Variants in KAZN observed in about 807,000 individuals in gnomAD.
KAZN encodes kazrin.
In KAZN, 40 loss-of-function variants were observed where a neutral mutation model predicts 87.4. That is an observed-to-expected ratio of 0.46 (90% confidence interval 0.36 to 0.60). The LOEUF (loss-of-function observed/expected upper bound fraction) is 0.60. Ranked by LOEUF, KAZN falls within the 20% of genes least tolerant of loss-of-function variation. The pLI is 0.00. For missense variants in KAZN, 898 were observed against 1,073.9 expected, an observed-to-expected ratio of 0.84 and a Z score of 2.29; for synonymous variants, 466 against 458.3, an observed-to-expected ratio of 1.02 and a Z score of -0.22.
At chr1:14,618,889 C>G (rs1314826716) in intron 1 of KAZN, among the ~76,000 whole-genome samples, 1 of 152,204 alleles carries the variant, frequency 6.6e-6, no homozygotes, top group African/African-American at 2.4e-5. Context: ...CCAAAGGAGC[C>G]TTCGCTTGAG....
intron 2 of KAZN, among the ~76,000 whole-genome samples, chr1:14,449,668 G>C (rs1416313349): frequency 6.6e-6 from 1 of 152,188 alleles, no homozygotes; most frequent in East Asian, 1.9e-4. Context: ...ATTCACTATG[G>C]AGATTGTTTC....
intron 1 of KAZN, among the ~76,000 whole-genome samples, chr1:14,941,463 A>C (rs1050737101): frequency 2.6e-5 from 4 of 151,952 alleles, no homozygotes; most frequent in Non-Finnish European, 1.5e-5. Flanking sequence ...CGACCATTGG[A>C]AAAAGGAGGT....
intron 2 of KAZN, among the ~76,000 whole-genome samples, chr1:14,414,310 C>A (rs1571572695): frequency 5.0e-5 from 6 of 121,022 alleles, no homozygotes; most frequent in Admixed American, 8.8e-5. Context: ...CTGGTAAAGC[C>A]AAAGAGTATT....
chr1:14,662,510 A>G (rs1196325925), intron 1 of KAZN, among the ~76,000 whole-genome samples: 1 of 152,158 alleles, frequency 6.6e-6, no homozygotes, highest in Non-Finnish European at 1.5e-5. Context: ...ATCAGGTCCC[A>G]GGCACCATTC....
chr1:14,064,637 G>T (rs1642933673), intron 1 of KAZN, among the ~76,000 whole-genome samples: 1 of 152,156 alleles, frequency 6.6e-6, no homozygotes, highest in South Asian at 2.1e-4. Flanking sequence ...AGCTGGATGG[G>T]ACTTCCTGGG....
rs567551933 is a variant in KAZN at position 15,083,705 on chromosome 1, T to C, written c.1223-10475T>C. Among the ~76,000 whole-genome samples, 3 of 152,232 alleles carry C rather than the reference T, an allele frequency of 2.0e-5. No individual in the cohort carries two copies. In the East Asian group the frequency reaches 5.8e-4, roughly 29 times the overall value. On this transcript the variant is annotated intron_variant, in intron 8 of 14. Transcript: ENST00000376030. ...CTCTCTGTCTCTCTCTGTGTCTGTC[T>C]CTCACTCTGAGTCATGGCTGGCTTC...
At chr1:14,879,522 C>A (rs1439538697) in intron 1 of KAZN, among the ~76,000 whole-genome samples, 2 of 152,118 alleles carry the variant, frequency 1.3e-5, no homozygotes, top group African/African-American at 4.8e-5. Context: ...CAAAACGGCC[C>A]TGGGTGATCT....
chr1:14,493,681 ATCT>A (rs1419497461), intron 2 of KAZN, among the ~76,000 whole-genome samples: 1 of 152,178 alleles, frequency 6.6e-6, no homozygotes, highest in Non-Finnish European at 1.5e-5. Flanking sequence ...TGCTCCCTAC[ATCT>A]TCTCCAATTC....
chr1:14,061,335 G>A (rs1642786384), intron 1 of KAZN, among the ~76,000 whole-genome samples: 1 of 152,144 alleles, frequency 6.6e-6, no homozygotes, highest in South Asian at 2.1e-4. Flanking sequence ...ACTAAGAACT[G>A]AAGAATGAAT....
intron 2 of KAZN, among the ~76,000 whole-genome samples, chr1:14,415,729 G>A (rs867152726): frequency 6.6e-6 from 1 of 152,170 alleles, no homozygotes; most frequent in African/African-American, 2.4e-5. Context: ...AGGTGTAGTA[G>A]TAAGTAGGAC....
intron 2 of KAZN, among the ~76,000 whole-genome samples, chr1:14,437,913 GA>G (rs1666492204): frequency 2.6e-5 from 4 of 152,112 alleles, no homozygotes; most frequent in Admixed American, 2.6e-4. Context: ...ATCCCATCCA[GA>G]GATGGGATGA....
At chr1:14,531,028 G>A (rs187823915) in intron 2 of KAZN, among the ~76,000 whole-genome samples, 3 of 152,266 alleles carry the variant, frequency 2.0e-5, no homozygotes, top group Admixed American at 6.5e-5. Flanking sequence ...AGCTGTGATC[G>A]CACCACTGCA....
intron 2 of KAZN, among the ~76,000 whole-genome samples, chr1:14,563,492 G>A (rs1224585374): frequency 2.0e-5 from 3 of 152,142 alleles, no homozygotes; most frequent in African/African-American, 4.8e-5. Flanking sequence ...GGCTTGAATA[G>A]TTAGCATTTG....
At chr1:14,578,495 A>T (rs1308534427) in intron 2 of KAZN, among the ~76,000 whole-genome samples, 1 of 152,210 alleles carries the variant, frequency 6.6e-6, no homozygotes, top group Admixed American at 6.5e-5. Context: ...AAAAATTTAC[A>T]TAAACCCTTG....
At chr1:14,816,836 G>T (rs1298460599) in intron 1 of KAZN, among the ~76,000 whole-genome samples, 1 of 152,178 alleles carries the variant, frequency 6.6e-6, no homozygotes, top group Non-Finnish European at 1.5e-5. Flanking sequence ...ATGGATAGAT[G>T]ATTGATAGAC....
chr1:14,764,382 C>CCT (rs1644829614), intron 1 of KAZN, among the ~76,000 whole-genome samples: 2 of 135,530 alleles, frequency 1.5e-5, no homozygotes, highest in Admixed American at 7.2e-5. Flanking sequence ...ACCCCCTCCC[C>CCT]CACACCCCCC....
intron 2 of KAZN, among the ~76,000 whole-genome samples, chr1:14,503,613 T>A (rs983302338): frequency 2.0e-5 from 3 of 150,634 alleles, no homozygotes; most frequent in African/African-American, 7.4e-5. Flanking sequence ...TTACAATGAA[T>A]CCTCCACCTG....
chr1:14,680,930 C>T (rs969132631), intron 1 of KAZN, among the ~76,000 whole-genome samples: 1 of 152,134 alleles, frequency 6.6e-6, no homozygotes, highest in African/African-American at 2.4e-5. Flanking sequence ...ATGGTGCTGG[C>T]GTGCTTGGCT....
At chr1:14,742,808 G>A (rs1392439353) in intron 1 of KAZN, among the ~76,000 whole-genome samples, 1 of 152,222 alleles carries the variant, frequency 6.6e-6, no homozygotes, top group Admixed American at 6.5e-5. Context: ...ATGGTGGCAG[G>A]AGCCAGGGAT....
Sources: allele counts gnomAD v4.1 joint callset (sites outside exome capture counted in the v4.1 genomes callset), GRCh38; gene constraint gnomAD v4.1.1; transcripts MANE v1.5; gene names NCBI Gene and HGNC (gene_info 2026-07-23, HGNC 2026-07-21).